Variants in KCNH4 observed in about 807,000 individuals in gnomAD.
KCNH4 encodes the protein potassium voltage-gated channel subfamily H member 4.
In KCNH4, 33 loss-of-function variants were observed where a neutral mutation model predicts 90.7. The observed-to-expected ratio is 0.36, with a 90% CI of 0.28 to 0.49. The LOEUF is 0.49. Among genes scored for constraint, KCNH4 ranks in the 20% least tolerant of loss-of-function variants. The pLI is 0.98. For synonymous variants in KCNH4, 551 were observed against 581.7 expected (o/e 0.95, Z 0.76); for missense variants, 1,044 against 1,387.1 (o/e 0.75, Z 3.93).
chr17:42,164,213 G>C (rs371128580), intron 11 of KCNH4, 45 bp from the exon 12 acceptor site: 2 of 1,505,850 alleles, frequency 1.3e-6, no homozygotes, highest in African/African-American at 1.4e-5. Context: ...GCCTTCCCGC[G>C]GCCATAGCGC....
rs1223538585 is a variant in KCNH4, at chr17:42,163,153, C to T, written c.2584+75G>A. 6.8e-6 allele frequency: 7 copies of T among 1,022,180 alleles called. No homozygotes were observed. The highest frequency in any genetic ancestry group is 9.3e-6 in the Non-Finnish European group (6 of 645,372). The allele number at this position is 1,022,180 out of a possible 1,614,324, so 63.3% of individuals were successfully genotyped here. ...ATGGCACCTGGCACATGGTAGGCCCCTACTACATATGGGATGGATGGACAG... is the reference window on the plus strand; with the variant it reads ...ATGGCACCTGGCACATGGTAGGCCCTTACTACATATGGGATGGATGGACAG... On this transcript the variant is annotated intron_variant, in intron 14 of 16. Coordinates refer to ENST00000264661, the MANE Select transcript of KCNH4 (RefSeq NM_012285.3). The surrounding 1 kb of genome is among the most constrained non-coding windows in gnomAD (Gnocchi z 5.4).
Position 42,165,682 on chromosome 17 carries a change from G to A in KCNH4, c.1852C>T (p.Leu618=). Residue 618 remains leucine (L), a synonymous_variant, in exon 11 of 17, where the codon CTG becomes TTG. Coordinates refer to ENST00000264661, the MANE Select transcript of KCNH4 (RefSeq NM_012285.3). ...GGCTCAGGGATATCTGCTCCAATCA[G>A]GTCCCCCTTCCCTGTAGGTAAGGGA... The part of the protein sequence containing the change: ...MVLAILGKGD[L]IGADIPEPGQ... The A allele has an allele frequency of 1.2e-6, 2 of 1,614,184 alleles. No individual in the cohort carries two copies. The highest frequency in any genetic ancestry group is 1.7e-6 in the Non-Finnish European group (2 of 1,180,024).
chr17:42,164,324 C>T (rs1479402995), intron 11 of KCNH4, among the ~76,000 whole-genome samples, 156 bp from the exon 12 acceptor site: 1 of 152,192 alleles, frequency 6.6e-6, no homozygotes, highest in Non-Finnish European at 1.5e-5. Flanking sequence ...ACAAACACTG[C>T]ATATCAAAGT....
chr17:42,170,245 C>A lies in KCNH4; in HGVS notation c.1252G>T (p.Gly418Cys). Residue 418 changes from glycine (G) to cysteine (C), a missense_variant, in exon 8 of 17, where the codon GGC becomes TGC. This residue lies in a region of KCNH4 where 318 missense variants were observed against 479.6 expected (regional missense o/e 0.66). Transcript: ENST00000264661. The stretch of plus-strand genomic sequence containing the variant: ...TAGGCGCTGCGCCGTGATGGGCCGC[C>A]CACCGAGCCATTGACATAGGGCACC... The part of the protein sequence containing the change: ...LEVPYVNGSV[G>C]GPSRRSAYIA... The A allele has an allele frequency of 6.2e-7, 1 of 1,608,538 alleles. No homozygotes were observed.
In KCNH4 at chr17:42,178,345, C is replaced by T. The variant is rs753027893; in HGVS notation, c.443G>A (p.Gly148Glu). ...SPGLGPQGGR[G>E]DSNHENSLGR... Reference sequence around the variant, plus strand: ...CTTGCTGTTACCGTGATTACTGTCCCCGCGGCCTCCTTGGGGGCCAAGTCC... The same window carrying T: ...CTTGCTGTTACCGTGATTACTGTCCTCGCGGCCTCCTTGGGGGCCAAGTCC... Residue 148 changes from glycine (G) to glutamate (E), a missense_variant, in exon 3 of 17, where the codon GGG becomes GAG. Physicochemically the swap from Gly to Glu is moderately conservative, Grantham distance 98. Around this residue, in one of 4 missense-constraint regions of KCNH4, gnomAD observed 283 missense variants for 378.6 expected, o/e 0.75. Transcript: ENST00000264661. 10 of 1,614,122 alleles carry T rather than the reference C, an allele frequency of 6.2e-6. No homozygotes were observed. Among genetic ancestry groups the T allele is most frequent in the Non-Finnish European group, 8.5e-6 (10 of 1,180,046 alleles).
chr17:42,176,361 G>C, intron 4 of KCNH4, 64 bp from the exon 5 acceptor site: 16 of 1,145,172 alleles, frequency 1.4e-5, no homozygotes, highest in East Asian at 3.1e-5. Context: ...TGGGGGGTGG[G>C]AAAGGCAGGG....
At chr17:42,159,168 C>T (rs2079728372) in intron 16 of KCNH4, among the ~76,000 whole-genome samples, 1 of 152,052 alleles carries the variant, frequency 6.6e-6, no homozygotes, top group Non-Finnish European at 1.5e-5. Context: ...GCTGCGATTA[C>T]AGGCATGTGC....
chr17:42,173,992 C>T (rs1465505843), intron 6 of KCNH4, among the ~76,000 whole-genome samples: 1 of 151,982 alleles, frequency 6.6e-6, no homozygotes, highest in Non-Finnish European at 1.5e-5. Context: ...TGATCCACTG[C>T]GCCCGGCCAA....
intron 6 of KCNH4, among the ~76,000 whole-genome samples, chr17:42,175,273 T>C (rs2079853289): frequency 6.6e-6 from 1 of 152,206 alleles, no homozygotes; most frequent in African/African-American, 2.4e-5. Context: ...ATCAGTTGTT[T>C]GTTAAATAAA....
chr17:42,163,826 G>C lies in KCNH4; in HGVS notation c.2257C>G (p.Arg753Gly). ...PLLLPNLSPA[R>G]PRGSLVSLLG... ...AGGCTGACCAGGGAGCCCCGAGGCC[G>C]TGCTGGGCTGAGGTTGGGCAGCAGG... The change falls in exon 13 of 17, where the codon CGG becomes GGG. Residue 753 changes from arginine (R) to glycine (G), a missense_variant. By Grantham distance (125) the Arg-to-Gly change is moderately radical (BLOSUM62 -2). Coordinates refer to ENST00000264661, the MANE Select transcript of KCNH4 (RefSeq NM_012285.3). This position sits in a 1 kb window ranked among gnomAD's most constrained non-coding sequence, Gnocchi z 5.4. 7 of 1,519,178 alleles carry C rather than the reference G, an allele frequency of 4.6e-6. No homozygotes were observed. The highest frequency in any genetic ancestry group is 4.5e-5 in the Admixed American group (2 of 44,470). The allele number at this position is 1,519,178 out of a possible 1,614,324, so 94.1% of individuals were successfully genotyped here. A position where few individuals can be genotyped will look rare whatever the true frequency, so the allele number is the denominator to read the frequency against.
intron 15 of KCNH4, among the ~76,000 whole-genome samples, chr17:42,161,354 C>T (rs536409016): frequency 1.9e-4 from 29 of 152,300 alleles, no homozygotes; most frequent in African/African-American, 6.5e-4. Context: ...GGCCCCAGGG[C>T]CTGAAACAGC....
At position 42,176,183 on chromosome 17, in the gene KCNH4, G is replaced by A. The variant is rs1486861759; in HGVS notation, c.700C>T (p.Leu234Phe). The change falls in exon 5 of 17, where the codon CTC becomes TTC. Residue 234 changes from leucine to phenylalanine, a missense_variant. Leu to Phe is a conservative substitution (Grantham distance 22). This residue lies in a region of KCNH4 where 283 missense variants were observed against 378.6 expected (regional missense o/e 0.75). Transcript: ENST00000264661. Reference sequence around the variant, plus strand: ...ACCGCAACGTAGAAGGTGGCAAGGAGGATAAGGCCGTCCCAGATGGCCTTG... The same window carrying A: ...ACCGCAACGTAGAAGGTGGCAAGGAAGATAAGGCCGTCCCAGATGGCCTTG... ...VSKAIWDGLI[L>F]LATFYVAVTV... is the part of the protein sequence containing the mutation. The A allele has an allele frequency of 1.2e-6, 2 of 1,613,844 alleles. No homozygotes were observed. Among genetic ancestry groups the A allele is most frequent in the Non-Finnish European group, 1.7e-6 (2 of 1,179,936 alleles).
Position 42,176,819 on chromosome 17 carries a change from G to A in KCNH4, c.586-522C>T, listed in dbSNP as rs113523955. Among the ~76,000 whole-genome samples, 1,337 of 152,010 alleles carry A rather than the reference G, an allele frequency of 8.8e-3. 23 individuals are homozygous for A. The highest frequency in any genetic ancestry group is 0.03 in the African/African-American group (1,254 of 41,454). On this transcript the variant is annotated intron_variant, in intron 4 of 16. Coordinates refer to ENST00000264661, the MANE Select transcript of KCNH4 (RefSeq NM_012285.3). The stretch of plus-strand genomic sequence containing the variant: ...ATTACAGGTGTGAGCCACTGTGCCC[G>A]GCCCCAGGCCCCTGTTTGAACCAAT...
At position 42,166,298 on chromosome 17, in the gene KCNH4, C is replaced by G. The variant is rs144207653; in HGVS notation, c.1839G>C (p.Leu613=). 1.9e-6 allele frequency: 3 copies of G among 1,600,620 alleles called. No individual in the cohort carries two copies. Among genetic ancestry groups the G allele is most frequent in the Admixed American group, 1.7e-5 (1 of 58,038 alleles). Residue 613 remains leucine, a splice_region_variant and synonymous_variant, in exon 10 of 17, where the codon CTG becomes CTC. Coordinates refer to ENST00000264661, the MANE Select transcript of KCNH4 (RefSeq NM_012285.3). The stretch of plus-strand genomic sequence containing the variant: ...AGTAGAGGGTGACGGTGTCCTTACC[C>G]AGGATGGCCAGCACCATGTTGTCTC... ...VLRDNMVLAI[L]GKGDLIGADI...
intron 16 of KCNH4, among the ~76,000 whole-genome samples, chr17:42,158,322 A>AGATC (rs372976017): frequency 0.076 from 11,558 of 151,318 alleles, 525 homozygotes; most frequent in African/African-American, 0.13. Context: ...TGAGGTCAGG[A>AGATC]GATCGAGACC....
At chr17:42,178,642 G>A (rs1371129725) in intron 2 of KCNH4, 151 bp downstream of exon 2, 34 of 1,149,078 alleles carry the variant, frequency 3.0e-5, no homozygotes, top group Non-Finnish European at 4.0e-5. Flanking sequence ...TCAAATGGGG[G>A]AACCCAGGAC....
chr17:42,165,797 T>C (rs764915524), intron 10 of KCNH4, 104 bp from the exon 11 acceptor site: 8 of 1,350,526 alleles, frequency 5.9e-6, no homozygotes, highest in South Asian at 1.3e-5. Flanking sequence ...GTTTGAAGGA[T>C]GGTTGAAGGT....
chr17:42,162,487 T>A (rs144141645), intron 14 of KCNH4, among the ~76,000 whole-genome samples, 166 bp from the exon 15 acceptor site: 289 of 152,302 alleles, frequency 1.9e-3, no homozygotes, highest in African/African-American at 6.6e-3. Flanking sequence ...CTGAGGCCCC[T>A]GTGTAACTCT....
intron 12 of KCNH4, 46 bp downstream of exon 12, chr17:42,164,084 C>A: frequency 6.5e-7 from 1 of 1,544,746 alleles, no homozygotes; most frequent in Non-Finnish European, 8.8e-7. Context: ...ACCCATCTCA[C>A]CCTCTCCCCA....
Sources: allele counts gnomAD v4.1 joint callset (sites outside exome capture counted in the v4.1 genomes callset), GRCh38; gene constraint gnomAD v4.1.1; regional missense constraint gnomAD v4.1.1; non-coding constraint Gnocchi (gnomAD v3.1); transcripts MANE v1.5; gene names NCBI Gene and HGNC (gene_info 2026-07-23, HGNC 2026-07-21).